ARHGEF10: variants seen among roughly 807,000 people sequenced by gnomAD.
ARHGEF10 encodes Rho guanine nucleotide exchange factor 10.
ARHGEF10 carries 140 observed loss-of-function variants against 147.4 expected under a neutral mutation model. That is an observed-to-expected ratio of 0.95 (90% confidence interval 0.83 to 1.09). The LOEUF is 1.09. ARHGEF10 is among the 50% of genes least tolerant of loss of function. The probability of loss-of-function intolerance (pLI) is 0.00; values close to 1 mark genes in which losing one functional copy is unlikely to be tolerated. For synonymous variants in ARHGEF10, 902 were observed against 695.8 expected, an observed-to-expected ratio of 1.30 and a Z score of -4.67; for missense variants, 2,222 against 1,752.7, an observed-to-expected ratio of 1.27 and a Z score of -4.78.
At position 1,925,031 on chromosome 8, in the gene ARHGEF10, T is replaced by G. The variant is rs143283614; in HGVS notation, c.2489-252T>G. 5.1e-3 allele frequency among the ~76,000 whole-genome samples: 783 copies of G among 152,316 alleles called. 7 individuals carry two copies. The highest frequency in any genetic ancestry group is 0.018 in the African/African-American group (745 of 41,570). The stretch of plus-strand genomic sequence containing the variant: ...TTTGGCAGCCTTTGGGTCCAGCGTA[T>G]TCAGGAGGCGCAAACAGGGAGAGGT... On this transcript the variant is annotated intron_variant, in intron 21 of 28. Coordinates refer to ENST00000349830, the MANE Select transcript of ARHGEF10 (RefSeq NM_014629.4).
rs751472043 is a variant in ARHGEF10, at chr8:1,860,325, CCCT to C, written c.481+152_481+154del. 2.3e-4 allele frequency: 257 copies of C among 1,120,126 alleles called. No homozygotes were observed. In the African/African-American group the frequency reaches 3.3e-3, roughly 15 times the overall value. 69.4% of individuals were successfully genotyped at this position (1,120,126 alleles called of 1,614,324 possible). A position where few individuals can be genotyped will look rare whatever the true frequency, so the allele number is the denominator to read the frequency against. Reference sequence around the variant, plus strand: ...CGTAGAGTCCGGGCCTGACCTTCCCCCCTCCTCCTCCTCTCCATGCCCCCGATG... The same window carrying C: ...CGTAGAGTCCGGGCCTGACCTTCCCCCCTCCTCCTCTCCATGCCCCCGATG... On this transcript the variant is annotated intron_variant, in intron 4 of 28. Transcript: ENST00000349830.
intron 1 of ARHGEF10, among the ~76,000 whole-genome samples, chr8:1,825,852 T>A (rs558701231): frequency 6.6e-6 from 1 of 152,372 alleles, no homozygotes; most frequent in South Asian, 2.1e-4. Flanking sequence ...TATTCTAGAT[T>A]CTGTGCAGGA....
At chr8:1,899,684 C>T (rs964514724) in intron 15 of ARHGEF10, among the ~76,000 whole-genome samples, 3 of 152,224 alleles carry the variant, frequency 2.0e-5, no homozygotes, top group Non-Finnish European at 4.4e-5. Flanking sequence ...TGTATTACAG[C>T]ATTAATAACA....
intron 18 of ARHGEF10, among the ~76,000 whole-genome samples, chr8:1,915,074 G>T (rs1398978300): frequency 6.6e-6 from 1 of 152,146 alleles, no homozygotes; most frequent in African/African-American, 2.4e-5. Context: ...TGTGTCCTGT[G>T]CCCCTGTGTG....
At chr8:1,915,482 C>A (rs1811691881) in intron 18 of ARHGEF10, among the ~76,000 whole-genome samples, 1 of 152,232 alleles carries the variant, frequency 6.6e-6, no homozygotes, top group Non-Finnish European at 1.5e-5. Context: ...CATCCCCAGG[C>A]CCAGCCTCTG....
intron 2 of ARHGEF10, among the ~76,000 whole-genome samples, chr8:1,848,457 G>A (rs1271439407): frequency 6.6e-6 from 1 of 152,132 alleles, no homozygotes. Flanking sequence ...TTGTCCGGGG[G>A]CTTCAGAATA....
At chr8:1,929,954 C>T (rs1471969551) in intron 25 of ARHGEF10, among the ~76,000 whole-genome samples, 3 of 152,158 alleles carry the variant, frequency 2.0e-5, no homozygotes, top group Admixed American at 6.5e-5. Context: ...TCCCCGCAGC[C>T]GCTGGGGGTG....
At chr8:1,873,305 G>C (rs1053961471) in intron 7 of ARHGEF10, among the ~76,000 whole-genome samples, 7 of 152,236 alleles carry the variant, frequency 4.6e-5, no homozygotes, top group Non-Finnish European at 8.8e-5. Context: ...ACCACCCACA[G>C]CACGGCAGCA....
chr8:1,945,956 C>A, intron 27 of ARHGEF10: 2 of 511,040 alleles, frequency 3.9e-6, no homozygotes, highest in African/African-American at 3.9e-5. Flanking sequence ...GGGTGGGAGA[C>A]GATTTCTCAT....
In ARHGEF10 at chr8:1,903,360, C is replaced by G; in HGVS notation, c.1730C>G (p.Ala577Gly). Residue 577 changes from alanine (A) to glycine (G), a missense_variant, in exon 16 of 29, where the codon GCA (alanine) becomes GGA (glycine). Ala to Gly is a moderately conservative substitution (Grantham distance 60). Transcript: ENST00000349830. Reference sequence around the variant, plus strand: ...GCCCTGACAGAGCTCGAAACACTAGCAGAGAAGTTAAATGAAAGAAAGAGA... The same window carrying G: ...GCCCTGACAGAGCTCGAAACACTAGGAGAGAAGTTAAATGAAAGAAAGAGA... ...QMALTELETLAEKLNERKRDA... is the reference protein window; with the variant it reads ...QMALTELETLGEKLNERKRDA... The G allele has an allele frequency of 6.2e-7, 1 of 1,614,088 alleles. No homozygotes were observed. Among genetic ancestry groups the G allele is most frequent in the East Asian group, 2.2e-5 (1 of 44,882 alleles).
At chr8:1,850,554 G>C (rs1463246866) in intron 2 of ARHGEF10, among the ~76,000 whole-genome samples, 1 of 151,722 alleles carries the variant, frequency 6.6e-6, no homozygotes, top group South Asian at 2.1e-4. Flanking sequence ...GCAGCTGCGT[G>C]GACACAGACG....
intron 4 of ARHGEF10, among the ~76,000 whole-genome samples, chr8:1,862,471 C>T (rs1018246810): frequency 5.3e-5 from 8 of 152,242 alleles, no homozygotes; most frequent in East Asian, 3.8e-4. Context: ...CGCTGCTGCT[C>T]GGAGCTGTTT....
chr8:1,882,009 C>T (rs1808240240), intron 9 of ARHGEF10, among the ~76,000 whole-genome samples: 2 of 152,196 alleles, frequency 1.3e-5, no homozygotes, highest in South Asian at 4.1e-4. Context: ...TCCAGCACAG[C>T]TCTGGCCGAG....
chr8:1,885,557 A>G, intron 10 of ARHGEF10, 44 bp from the exon 11 acceptor site: 1 of 1,357,382 alleles, frequency 7.4e-7, no homozygotes, highest in Non-Finnish European at 1.1e-6. Flanking sequence ...TTGTGAATAT[A>G]TTATTTGAAT....
At chr8:1,869,274 T>C in intron 7 of ARHGEF10, 24 bp downstream of exon 7, 1 of 1,606,360 alleles carries the variant, frequency 6.2e-7, no homozygotes, top group Non-Finnish European at 8.5e-7. Flanking sequence ...TGGAATTGAT[T>C]TGAGGAGATT....
intron 6 of ARHGEF10, among the ~76,000 whole-genome samples, 179 bp downstream of exon 6, chr8:1,866,781 T>C (rs1273595723): frequency 6.6e-6 from 1 of 152,232 alleles, no homozygotes; most frequent in African/African-American, 2.4e-5. Context: ...TCCCTGAAGC[T>C]GTCACTTCCC....
intron 1 of ARHGEF10, among the ~76,000 whole-genome samples, chr8:1,842,008 G>A (rs1463575980): frequency 1.1e-4 from 10 of 93,434 alleles, no homozygotes; most frequent in African/African-American, 3.8e-4. Flanking sequence ...GCGGGAACTG[G>A]GGCCGCGGCG....
chr8:1,833,424 A>G (rs1803386652), intron 1 of ARHGEF10, among the ~76,000 whole-genome samples: 1 of 151,894 alleles, frequency 6.6e-6, no homozygotes. Flanking sequence ...GCAGAGACAG[A>G]GACAGAGACA....
At chr8:1,902,222 C>G (rs1468607173) in intron 15 of ARHGEF10, among the ~76,000 whole-genome samples, 2 of 152,150 alleles carry the variant, frequency 1.3e-5, no homozygotes, top group Non-Finnish European at 2.9e-5. Flanking sequence ...ATTGCAGAAC[C>G]ACATTTAATT....
Sources: allele counts gnomAD v4.1 joint callset (sites outside exome capture counted in the v4.1 genomes callset), GRCh38; gene constraint gnomAD v4.1.1; transcripts MANE v1.5; gene names NCBI Gene and HGNC (gene_info 2026-07-23, HGNC 2026-07-21).